BCKDHB: variants seen among roughly 807,000 people sequenced by gnomAD.
The protein encoded by BCKDHB is branched chain keto acid dehydrogenase E1 subunit beta.
A neutral mutation model predicts 48.5 loss-of-function variants in BCKDHB; 41 were observed. The ratio of observed to expected loss-of-function variants is 0.85; its 90% CI spans 0.66 to 1.10. The LOEUF (loss-of-function observed/expected upper bound fraction) is 1.10. BCKDHB is among the 50% of genes least tolerant of loss of function. The probability of loss-of-function intolerance (pLI) is 0.00; values close to 1 mark genes in which losing one functional copy is unlikely to be tolerated. For synonymous variants in BCKDHB, 201 were observed against 174.8 expected (o/e 1.15, Z -1.18); for missense variants, 496 against 494.2 (o/e 1.00, Z -0.03).
At chr6:80,343,466 T>A (rs1489103892) in intron 9 of BCKDHB, 198 bp from the exon 10 acceptor site, 5 of 623,048 alleles carry the variant, frequency 8.0e-6, no homozygotes, top group Non-Finnish European at 1.1e-5. Context: ...TGCATATGCA[T>A]ACATGAAAAC....
chr6:80,129,000 T>C (rs1445216104), intron 2 of BCKDHB, among the ~76,000 whole-genome samples, 161 bp from the exon 3 acceptor site: 5 of 152,108 alleles, frequency 3.3e-5, no homozygotes, highest in Non-Finnish European at 5.9e-5. Context: ...TCATCTAGTC[T>C]AAAATGTCAA....
At chr6:80,254,721 A>G (rs1382149884) in intron 8 of BCKDHB, among the ~76,000 whole-genome samples, 1 of 152,112 alleles carries the variant, frequency 6.6e-6, no homozygotes. Flanking sequence ...CAACACAATA[A>G]AACAAAACCA....
the BCKDHB span, among the ~76,000 whole-genome samples, chr6:80,427,842 T>C: frequency 3.3e-5 from 5 of 152,150 alleles, no homozygotes; most frequent in Admixed American, 6.5e-5. Context: ...TTTTTTCCCT[T>C]TGTACATAAT....
intron 9 of BCKDHB, among the ~76,000 whole-genome samples, chr6:80,280,405 G>A (rs1778147730): frequency 6.6e-6 from 1 of 152,144 alleles, no homozygotes; most frequent in South Asian, 2.1e-4. Context: ...CACTGGGGAG[G>A]AGTGAGAGAG....
chr6:80,321,132 C>G (rs1488324267), intron 9 of BCKDHB, among the ~76,000 whole-genome samples: 1 of 152,170 alleles, frequency 6.6e-6, no homozygotes, highest in African/African-American at 2.4e-5. Flanking sequence ...GGGCCGATAA[C>G]TTCTCCCCAT....
chr6:80,435,198 A>C, the BCKDHB span, among the ~76,000 whole-genome samples: 2 of 152,214 alleles, frequency 1.3e-5, no homozygotes, highest in Non-Finnish European at 2.9e-5. Flanking sequence ...GTCTTAAAAC[A>C]ATTACGTCAC....
chr6:80,416,682 G>C, the BCKDHB span, among the ~76,000 whole-genome samples: 11 of 151,934 alleles, frequency 7.2e-5, no homozygotes, highest in African/African-American at 1.7e-4. Context: ...ATTTGCTGAG[G>C]AGTATTTTAC....
chr6:80,417,946 T>C, the BCKDHB span, among the ~76,000 whole-genome samples: 1 of 152,292 alleles, frequency 6.6e-6, no homozygotes, highest in South Asian at 2.1e-4. Flanking sequence ...GGTTCCATTC[T>C]CCCCATCTCT....
the BCKDHB span, among the ~76,000 whole-genome samples, chr6:80,357,981 T>G: frequency 6.6e-6 from 1 of 152,238 alleles, no homozygotes; most frequent in Non-Finnish European, 1.5e-5. Context: ...ACCATTCATG[T>G]CAGAAAATGT....
chr6:80,229,141 A>G (rs1775804933), intron 8 of BCKDHB, among the ~76,000 whole-genome samples: 1 of 152,244 alleles, frequency 6.6e-6, no homozygotes, highest in Non-Finnish European at 1.5e-5. Context: ...AGAACAAAGT[A>G]AACAGAGTAG....
the BCKDHB span, among the ~76,000 whole-genome samples, chr6:80,413,784 G>T: frequency 1.3e-5 from 2 of 152,300 alleles, no homozygotes; most frequent in East Asian, 3.9e-4. Flanking sequence ...CTCTATGGTA[G>T]AACAGTTTAT....
chr6:80,241,531 A>T (rs887083583), intron 8 of BCKDHB, among the ~76,000 whole-genome samples: 6 of 152,024 alleles, frequency 3.9e-5, no homozygotes, highest in African/African-American at 9.7e-5. Flanking sequence ...GGTCTGTTGG[A>T]GTTTGCTGGA....
intron 6 of BCKDHB, among the ~76,000 whole-genome samples, chr6:80,171,610 A>G (rs1562107322): frequency 6.6e-6 from 1 of 152,114 alleles, no homozygotes; most frequent in Non-Finnish European, 1.5e-5. Flanking sequence ...ACAAAGAGGA[A>G]ATCTGAAGTG....
At chr6:80,432,720 G>T in the BCKDHB span, among the ~76,000 whole-genome samples, 1 of 152,094 alleles carries the variant, frequency 6.6e-6, no homozygotes, top group Non-Finnish European at 1.5e-5. Flanking sequence ...TTGTTTCCTT[G>T]CTGGTGAGGA....
intron 9 of BCKDHB, among the ~76,000 whole-genome samples, chr6:80,298,886 A>G (rs1033035259): frequency 5.9e-5 from 9 of 152,204 alleles, no homozygotes; most frequent in African/African-American, 1.4e-4. Flanking sequence ...TGGCAGTCCC[A>G]TCAGCTCTTA....
intron 8 of BCKDHB, among the ~76,000 whole-genome samples, chr6:80,231,913 C>T (rs1197778209): frequency 6.6e-6 from 1 of 152,106 alleles, no homozygotes; most frequent in African/African-American, 2.4e-5. Flanking sequence ...TGCAATGAGC[C>T]GAGATTGCGC....
At position 80,190,355 on chromosome 6, in the gene BCKDHB, G is replaced by A. The variant is rs557231655; in HGVS notation, c.743-10579G>A. On this transcript the variant is annotated intron_variant, in intron 6 of 9. Coordinates refer to ENST00000320393, the MANE Select transcript of BCKDHB (RefSeq NM_183050.4). Reference sequence around the variant, plus strand: ...TGCAATTTTTCAAGACTTAGGGAAAGGATCAAGCTTGATATATGTTTATAT... The same window carrying A: ...TGCAATTTTTCAAGACTTAGGGAAAAGATCAAGCTTGATATATGTTTATAT... Among the ~76,000 whole-genome samples, 17 of 152,244 alleles carry A rather than the reference G, an allele frequency of 1.1e-4. No individual in the cohort carries two copies. The South Asian group carries it at 3.3e-3, about 30-fold the overall frequency.
rs1044534608 is a variant in BCKDHB at position 80,259,882 on chromosome 6, A to G, written c.952-13253A>G. On this transcript the variant is annotated intron_variant, in intron 8 of 9. Transcript: ENST00000320393. The stretch of plus-strand genomic sequence containing the variant: ...GATGTAGGTAACCTCTGGGACCATG[A>G]CAGTAGTGATGATGAGGAGATAAAT... 3.3e-5 allele frequency among the ~76,000 whole-genome samples: 5 copies of G among 152,188 alleles called. No homozygotes were observed. The East Asian group carries it at 7.7e-4, about 23-fold the overall frequency.
the BCKDHB span, among the ~76,000 whole-genome samples, chr6:80,354,642 C>T: frequency 6.6e-6 from 1 of 152,240 alleles, no homozygotes; most frequent in East Asian, 1.9e-4. Flanking sequence ...TTTATAGTTT[C>T]AGGTTTTACT....
Sources: allele counts gnomAD v4.1 joint callset (sites outside exome capture counted in the v4.1 genomes callset), GRCh38; gene constraint gnomAD v4.1.1; transcripts MANE v1.5; gene names NCBI Gene and HGNC (gene_info 2026-07-23, HGNC 2026-07-21).